Variants in DMXL1 observed in about 807,000 individuals in gnomAD.
DMXL1 encodes the protein dmX-like protein 1.
DMXL1 carries 99 observed loss-of-function variants against 319.2 expected under a neutral mutation model. The observed-to-expected ratio is 0.31, with a 90% CI of 0.26 to 0.37. DMXL1 has a LOEUF of 0.37. Among genes scored for constraint, DMXL1 ranks in the 10% least tolerant of loss-of-function variants. The pLI is 1.00. For missense variants in DMXL1, 3,745 were observed against 3,595.6 expected (o/e 1.04, Z -1.06); for synonymous variants, 1,385 against 1,235.2 (o/e 1.12, Z -2.54).
chr5:119,228,423 T>G (rs1310619483), intron 38 of DMXL1, among the ~76,000 whole-genome samples: 2 of 152,210 alleles, frequency 1.3e-5, no homozygotes, highest in African/African-American at 4.8e-5. Context: ...TTCTGTGGCA[T>G]ACAATATTTT....
At position 119,190,004 on chromosome 5, in the gene DMXL1, C is replaced by T. The variant is rs538275473; in HGVS notation, c.7314+118C>T. On this transcript the variant is annotated intron_variant, in intron 29 of 43. Coordinates refer to ENST00000539542, the MANE Select transcript of DMXL1 (RefSeq NM_001290321.3). ...TTCCCACTTTGGTTTAGAAAATTTT[C>T]ATTAGTATCAGGCTACATTCCAAAA... is the stretch of plus-strand genomic sequence containing the variant. 3.3e-5 allele frequency: 31 copies of T among 930,438 alleles called. 1 individual carries two copies. The South Asian group carries it at 5.5e-4, about 17-fold the overall frequency. 57.6% of individuals were successfully genotyped at this position (930,438 alleles called of 1,614,324 possible).
At chr5:119,113,550 T>C (rs906569528) in intron 5 of DMXL1, among the ~76,000 whole-genome samples, 6 of 152,168 alleles carry the variant, frequency 3.9e-5, no homozygotes, top group East Asian at 1.9e-4. Context: ...CCATGACATA[T>C]TTTTTTAGTG....
In DMXL1 at chr5:119,145,065, T is replaced by TAA. The variant is rs566044156; in HGVS notation, c.2569+429_2569+430dup. 2.8e-3 allele frequency among the ~76,000 whole-genome samples: 424 copies of TAA among 151,910 alleles called. 2 individuals carry two copies. The highest frequency in any genetic ancestry group is 7.6e-3 in the Admixed American group (116 of 15,254). The stretch of plus-strand genomic sequence containing the variant: ...TTTATAATAAAAGTTTTTAAAATGT[T>TAA]AAACTCCTCTCATCAACACTTTACA... On this transcript the variant is annotated intron_variant, in intron 15 of 43. Coordinates refer to ENST00000539542, the MANE Select transcript of DMXL1 (RefSeq NM_001290321.3).
chr5:119,086,266 A>G lies in DMXL1; in HGVS notation c.88-11713A>G, dbSNP rs577929498. Among the ~76,000 whole-genome samples, 6 of 152,240 alleles carry G rather than the reference A, an allele frequency of 3.9e-5. No individual in the cohort carries two copies. The East Asian group carries it at 9.7e-4, about 25-fold the overall frequency. ...GGTAAACCGCCCCCATGATTCAATT[A>G]TCTCCCACCTGGTCCCTTCCACAAC... On this transcript the variant is annotated intron_variant, in intron 1 of 43. Coordinates refer to ENST00000539542, the MANE Select transcript of DMXL1 (RefSeq NM_001290321.3).
intron 1 of DMXL1, among the ~76,000 whole-genome samples, chr5:119,093,097 C>G (rs1462482614): frequency 6.6e-6 from 1 of 151,756 alleles, no homozygotes; most frequent in Non-Finnish European, 1.5e-5. Context: ...CTTTGTTGAG[C>G]AAATCTGTCA....
At chr5:119,129,953 A>G (rs1764459732) in intron 10 of DMXL1, among the ~76,000 whole-genome samples, 1 of 152,216 alleles carries the variant, frequency 6.6e-6, no homozygotes, top group South Asian at 2.1e-4. Context: ...TCAGCTGGCA[A>G]GAACATTCAG....
At chr5:119,089,077 A>C (rs1161922583) in intron 1 of DMXL1, among the ~76,000 whole-genome samples, 1 of 150,884 alleles carries the variant, frequency 6.6e-6, no homozygotes, top group African/African-American at 2.4e-5. Context: ...GAATTTCGTC[A>C]CCCTTTGTCT....
intron 4 of DMXL1, 30 bp downstream of exon 4, chr5:119,105,288 G>A: frequency 6.6e-7 from 1 of 1,517,668 alleles, no homozygotes; most frequent in Non-Finnish European, 9.1e-7. Flanking sequence ...TAACTAAAAT[G>A]AAATATCACT....
At chr5:119,075,709 G>C (rs1750683623) in intron 1 of DMXL1, among the ~76,000 whole-genome samples, 1 of 150,184 alleles carries the variant, frequency 6.7e-6, no homozygotes, top group Non-Finnish European at 1.5e-5. Context: ...TAGTATGTGA[G>C]AAATCTGGTC....
rs1238948802 is a variant in DMXL1 at position 119,178,232 on chromosome 5, A to G, written c.7123A>G (p.Lys2375Glu). ...HVPSKEQTHS[K>E]TLPVSSLVEE... ...TCCTAGCAAAGAACAGACACATTCA[A>G]AAACTTTACCTGGTGAGTTTAAAAA... is the stretch of plus-strand genomic sequence containing the variant. The change falls in exon 28 of 44, where the codon AAA becomes GAA. Residue 2375 changes from lysine (K) to glutamate (E), a missense_variant. Coordinates refer to ENST00000539542, the MANE Select transcript of DMXL1 (RefSeq NM_001290321.3). 1.2e-6 allele frequency: 2 copies of G among 1,612,952 alleles called. No homozygotes were observed. Among genetic ancestry groups the G allele is most frequent in the South Asian group, 1.1e-5 (1 of 90,838 alleles).
chr5:119,096,967 CATTT>C (rs766715957), intron 1 of DMXL1, among the ~76,000 whole-genome samples: 19 of 152,152 alleles, frequency 1.2e-4, no homozygotes, highest in Non-Finnish European at 2.1e-4. Flanking sequence ...GGACAAAAGA[CATTT>C]AAAAATTGTG....
At chr5:119,089,230 T>C (rs1754042474) in intron 1 of DMXL1, among the ~76,000 whole-genome samples, 1 of 142,272 alleles carries the variant, frequency 7.0e-6, no homozygotes, top group Admixed American at 7.4e-5. Flanking sequence ...TGATGAATCT[T>C]TTGCCAGACA....
rs887488147 is a variant in DMXL1, at chr5:119,206,904, A to G, written c.7926+8A>G. 14 of 1,494,654 alleles carry G rather than the reference A, an allele frequency of 9.4e-6. No homozygotes were observed. The African/African-American group carries it at 9.7e-5, about 10-fold the overall frequency. The allele number at this position is 1,494,654 out of a possible 1,614,324, so 92.6% of individuals were successfully genotyped here. On this transcript the variant is annotated splice_region_variant and intron_variant, in intron 34 of 43. Transcript: ENST00000539542. ...GAGCCAAACATCAATAAGGTACAAAATATCATTCAACTGAAATTAAAAATT... is the reference window on the plus strand; with the variant it reads ...GAGCCAAACATCAATAAGGTACAAAGTATCATTCAACTGAAATTAAAAATT...
At chr5:119,100,260 C>T (rs1026529547) in intron 2 of DMXL1, among the ~76,000 whole-genome samples, 4 of 151,390 alleles carry the variant, frequency 2.6e-5, no homozygotes, top group Non-Finnish European at 5.9e-5. Context: ...GAAACCCCGT[C>T]TCTACTACAA....
chr5:119,166,440 T>C (rs912303010), intron 21 of DMXL1, among the ~76,000 whole-genome samples, 176 bp from the exon 22 acceptor site: 25 of 152,228 alleles, frequency 1.6e-4, no homozygotes, highest in East Asian at 1.2e-3. Flanking sequence ...CTGAGACTTA[T>C]ATAACAAATG....
chr5:119,237,293 A>C, intron 39 of DMXL1, 29 bp from the exon 40 acceptor site: 1 of 1,325,680 alleles, frequency 7.5e-7, no homozygotes, highest in Non-Finnish European at 1.1e-6. Context: ...ATTTATATTA[A>C]ATACTTTTAA....
At chr5:119,178,585 T>C in intron 28 of DMXL1, 1 of 984,978 alleles carries the variant, frequency 1.0e-6, no homozygotes, top group South Asian at 4.7e-5. Context: ...GAAGGCACTT[T>C]GCTATGCCTA....
intron 25 of DMXL1, among the ~76,000 whole-genome samples, chr5:119,172,326 T>C (rs1034658684): frequency 2.0e-5 from 3 of 152,216 alleles, no homozygotes; most frequent in Admixed American, 1.3e-4. Flanking sequence ...GGCACTAATA[T>C]GTAAACGAAG....
At position 119,143,829 on chromosome 5, in the gene DMXL1, TA is replaced by T. The variant is rs762322698; in HGVS notation, c.2377-4del. 2.3e-5 allele frequency: 35 copies of T among 1,536,628 alleles called. No individual in the cohort carries two copies. In the East Asian group the frequency reaches 2.6e-4, roughly 11 times the overall value. On this transcript the variant is annotated splice_polypyrimidine_tract_variant and intron_variant, in intron 13 of 43. Coordinates refer to ENST00000539542, the MANE Select transcript of DMXL1 (RefSeq NM_001290321.3). ...TTGTTTAGTAAATTATAAATTTTTT[TA>T]AAAAAAACAGAAATATGTTGGTGAA...
Sources: gnomAD v4.1 joint callset for allele counts (sites outside exome capture counted in the v4.1 genomes callset) on GRCh38, gnomAD v4.1.1 for gene constraint, MANE v1.5 for transcripts, NCBI Gene and HGNC (gene_info 2026-07-23, HGNC 2026-07-21) for gene names.